The following CRX variants were observed in gnomAD, a reference collection of about 807,000 sequenced individuals.
CRX encodes the protein cone-rod homeobox protein.
In CRX, 5 loss-of-function variants were observed where a neutral mutation model predicts 13.1. That is an observed-to-expected ratio of 0.38 (90% CI 0.20 to 0.80). CRX has a LOEUF of 0.80. CRX is among the 30% of genes least tolerant of loss of function. The pLI, the probability that CRX is intolerant of heterozygous loss-of-function variation, is 0.43. For missense variants in CRX, 351 were observed against 391.8 expected (o/e 0.90, Z 0.88); for synonymous variants, 179 against 171.1 (o/e 1.05, Z -0.36).
At chr19:47,823,241 G>GGAAT (rs1316902251) in intron 1 of CRX, among the ~76,000 whole-genome samples, 17 of 152,098 alleles carry the variant, frequency 1.1e-4, no homozygotes, top group Admixed American at 4.6e-4. Context: ...GAATATGCAG[G>GGAAT]GAATGAATGA....
chr19:47,823,517 C>T (rs1490139110), intron 1 of CRX, among the ~76,000 whole-genome samples: 4 of 152,284 alleles, frequency 2.6e-5, no homozygotes, highest in Non-Finnish European at 5.9e-5. Context: ...CCACCCAGCT[C>T]CTTGTCCCCG....
Position 47,825,662 on chromosome 19 carries a change from G to A in CRX, c.-36+3652G>A, listed in dbSNP as rs765286832. 1.8e-4 allele frequency among the ~76,000 whole-genome samples: 28 copies of A among 152,088 alleles called. 1 individual carries two copies. The highest frequency in any genetic ancestry group is 6.2e-4 in the South Asian group (3 of 4,820). The stretch of plus-strand genomic sequence containing the variant: ...TGGCCAGGCACTGTGGCCCACGCCT[G>A]TGATTCCAGCACTTAGGGAGGCCGA... On this transcript the variant is annotated intron_variant, in intron 1 of 3. Coordinates refer to ENST00000221996, the MANE Select transcript of CRX (RefSeq NM_000554.6).
chr19:47,826,761 A>G (rs1181021820), intron 1 of CRX, among the ~76,000 whole-genome samples: 1 of 152,248 alleles, frequency 6.6e-6, no homozygotes, highest in Admixed American at 6.5e-5. Flanking sequence ...AGCAGCTTCA[A>G]ACAATAAACA....
chr19:47,823,831 G>A (rs536871909), intron 1 of CRX, among the ~76,000 whole-genome samples: 25 of 151,984 alleles, frequency 1.6e-4, no homozygotes, highest in Non-Finnish European at 2.9e-4. Context: ...TGTATTTTTA[G>A]TAGAGATGGG....
intron 3 of CRX, among the ~76,000 whole-genome samples, chr19:47,837,431 C>G (rs761220753): frequency 6.6e-6 from 1 of 151,886 alleles, no homozygotes; most frequent in East Asian, 1.9e-4. Context: ...CCTTCCAGAG[C>G]GCTGGGATTA....
chr19:47,839,038 G>A lies in CRX; in HGVS notation c.253-282G>A, dbSNP rs60934372. Among the ~76,000 whole-genome samples the A allele has an allele frequency of 0.43, 65,468 of 151,588 alleles. 14,826 individuals carry two copies. The highest frequency in any genetic ancestry group is 0.5 in the African/African-American group (20,784 of 41,242). On this transcript the variant is annotated intron_variant, in intron 3 of 3. Transcript: ENST00000221996. The surrounding 1 kb of genome is among the most constrained non-coding windows in gnomAD (Gnocchi z 4.6). ...GTAAATGCAGGCATGATGTATGTGC[G>A]TATGGTGTATGCATGTATAATTGTA...
chr19:47,840,039 T>A lies in CRX; in HGVS notation c.*72T>A, dbSNP rs1362803429. ...CTTCTGAATCTGCTTCCCTGCAGTTTAGATCCCGGGATGGCATTCCTGAGA... is the reference window on the plus strand; with the variant it reads ...CTTCTGAATCTGCTTCCCTGCAGTTAAGATCCCGGGATGGCATTCCTGAGA... On this transcript the variant is annotated 3_prime_UTR_variant, in exon 4 of 4. Transcript: ENST00000221996. The A allele has an allele frequency of 1.9e-6, 3 of 1,578,782 alleles. No homozygotes were observed. The East Asian group carries it at 6.7e-5, about 35-fold the overall frequency.
intron 1 of CRX, among the ~76,000 whole-genome samples, chr19:47,827,761 G>A (rs1189991966): frequency 8.1e-6 from 1 of 123,568 alleles, no homozygotes; most frequent in East Asian, 2.7e-4. Flanking sequence ...GACCTCAAGT[G>A]ATCCTCATAA....
In CRX at chr19:47,839,513, C is replaced by A; in HGVS notation, c.446C>A (p.Pro149His). ...TCCTACAGTCCCCCTCTGCCCGGCC[C>A]CTCAGGCTCCCCAACCACGGCAGTG... is the stretch of plus-strand genomic sequence containing the variant. ...SDSYSPPLPG[P>H]SGSPTTAVAT... The change falls in exon 4 of 4, where the codon CCC (proline) becomes CAC (histidine). Residue 149 changes from proline to histidine, a missense_variant. Transcript: ENST00000221996. This position sits in a 1 kb window ranked among gnomAD's most constrained non-coding sequence, Gnocchi z 4.6. 6.2e-7 allele frequency: 1 copy of A among 1,613,830 alleles called. No individual in the cohort carries two copies. The highest frequency in any genetic ancestry group is 1.1e-5 in the South Asian group (1 of 91,054).
chr19:47,840,436 C>A lies in CRX; in HGVS notation c.*469C>A. 1 of 186,238 alleles carries A rather than the reference C, an allele frequency of 5.4e-6. No individual in the cohort carries two copies. Among genetic ancestry groups the A allele is most frequent in the Non-Finnish European group, 1.1e-5 (1 of 87,782 alleles). 11.5% of individuals were successfully genotyped at this position (186,238 alleles called of 1,614,324 possible). The stretch of plus-strand genomic sequence containing the variant: ...TTTGTTTTGCAGACACAGTCTAGCT[C>A]TGTCGCCCAGGCTGGAGTGCAGTGG... On this transcript the variant is annotated 3_prime_UTR_variant, in exon 4 of 4. Coordinates refer to ENST00000221996, the MANE Select transcript of CRX (RefSeq NM_000554.6).
intron 1 of CRX, among the ~76,000 whole-genome samples, chr19:47,830,278 C>T (rs1318428410): frequency 1.3e-5 from 2 of 151,790 alleles, no homozygotes; most frequent in Non-Finnish European, 1.5e-5. Context: ...CGCTGCACTC[C>T]GGCCTGGATG....
chr19:47,832,837 T>C (rs1006616611), intron 1 of CRX, among the ~76,000 whole-genome samples: 1 of 152,006 alleles, frequency 6.6e-6, no homozygotes, highest in East Asian at 1.9e-4. Context: ...GAGGTATACA[T>C]TGAAGGTGAA....
intron 1 of CRX, among the ~76,000 whole-genome samples, chr19:47,831,417 G>T (rs890329106): frequency 1.3e-5 from 2 of 152,026 alleles, no homozygotes; most frequent in Admixed American, 1.3e-4. Flanking sequence ...TGCACAGCTG[G>T]TGAGCAAGCA....
intron 1 of CRX, among the ~76,000 whole-genome samples, chr19:47,831,285 C>A (rs4581817): frequency 0.51 from 69,257 of 136,612 alleles, 17,677 homozygotes; most frequent in Middle Eastern, 0.63. Flanking sequence ...TTAGCCTGGG[C>A]GACAGAGCAA....
chr19:47,835,532 A>C (rs1568624542), intron 2 of CRX, among the ~76,000 whole-genome samples: 4 of 148,774 alleles, frequency 2.7e-5, no homozygotes, highest in African/African-American at 1.0e-4. Flanking sequence ...TTACAGGCGC[A>C]CACCACCATG....
At chr19:47,824,990 ATTTTTT>A (rs11374819) in intron 1 of CRX, among the ~76,000 whole-genome samples, 4 of 100,406 alleles carry the variant, frequency 4.0e-5, no homozygotes, top group Non-Finnish European at 5.7e-5. Flanking sequence ...CGATTGATTG[ATTTTTT>A]TTTTTTTTTT....
At chr19:47,833,159 A>C (rs1968074863) in intron 1 of CRX, among the ~76,000 whole-genome samples, 1 of 148,088 alleles carries the variant, frequency 6.8e-6, no homozygotes, top group Non-Finnish European at 1.5e-5. Flanking sequence ...GCTGGTTTTG[A>C]ACTTCTGGGC....
At chr19:47,826,479 C>T (rs1967976352) in intron 1 of CRX, among the ~76,000 whole-genome samples, 1 of 152,152 alleles carries the variant, frequency 6.6e-6, no homozygotes, top group Non-Finnish European at 1.5e-5. Flanking sequence ...TTGTGGCACA[C>T]CTGTAGTCCC....
chr19:47,843,193 C>T lies in CRX; in HGVS notation c.*3226C>T, dbSNP rs1263835957. The stretch of plus-strand genomic sequence containing the variant: ...GGAAGAGTGACAAGGCAGGTGGGGA[C>T]AGAAGGAAGAAGCCAGGAGCCTCCC... On this transcript the variant is annotated 3_prime_UTR_variant, in exon 4 of 4. Transcript: ENST00000221996. 6.6e-6 allele frequency: 1 copy of T among 152,304 alleles called. No homozygotes were observed. The highest frequency in any genetic ancestry group is 2.4e-5 in the African/African-American group (1 of 41,438). 9.4% of individuals were successfully genotyped at this position (152,304 alleles called of 1,614,324 possible).
Sources: gnomAD v4.1 joint callset for allele counts (sites outside exome capture counted in the v4.1 genomes callset) on GRCh38, gnomAD v4.1.1 for gene constraint, Gnocchi (gnomAD v3.1) non-coding constraint, MANE v1.5 for transcripts, NCBI Gene and HGNC (gene_info 2026-07-23, HGNC 2026-07-21) for gene names.